The following ST6GALNAC5 variants were observed in gnomAD, a reference collection of about 807,000 sequenced individuals.
ST6GALNAC5 encodes alpha-N-acetylgalactosaminide alpha-2,6-sialyltransferase 5.
Under a neutral mutation model 33.6 loss-of-function variants are expected in ST6GALNAC5, and 27 were observed. The observed-to-expected ratio is 0.80, with a 90% CI of 0.59 to 1.11. ST6GALNAC5 has a LOEUF of 1.11. ST6GALNAC5 is among the 50% of genes least tolerant of loss of function. The pLI, the probability that ST6GALNAC5 is intolerant of heterozygous loss-of-function variation, is 0.00. For missense variants in ST6GALNAC5, 428 were observed against 454.0 expected, an observed-to-expected ratio of 0.94 and a Z score of 0.52; for synonymous variants, 194 against 171.2, an observed-to-expected ratio of 1.13 and a Z score of -1.04.
Position 76,881,539 on chromosome 1 carries a change from C to T in ST6GALNAC5, c.261+12797C>T, listed in dbSNP as rs895768251. ...AAAATTGTCTGCCTTCCCTACTAGACAACCAGCTCTTGGAAACCAGGCATT... is the reference window on the plus strand; with the variant it reads ...AAAATTGTCTGCCTTCCCTACTAGATAACCAGCTCTTGGAAACCAGGCATT... On this transcript the variant is annotated intron_variant, in intron 2 of 4. Coordinates refer to ENST00000477717, the MANE Select transcript of ST6GALNAC5 (RefSeq NM_030965.3). 5.3e-4 allele frequency among the ~76,000 whole-genome samples: 80 copies of T among 152,172 alleles called. 5 individuals carry two copies. Among genetic ancestry groups the T allele is most frequent in the Non-Finnish European group, 4.4e-5 (3 of 68,038 alleles).
intron 2 of ST6GALNAC5, among the ~76,000 whole-genome samples, chr1:76,982,095 C>A (rs143300131): frequency 6.6e-6 from 1 of 152,112 alleles, no homozygotes; most frequent in South Asian, 2.1e-4. Flanking sequence ...AAAATCAGAG[C>A]ACCTCTTCTC....
At chr1:77,041,800 C>A (rs1338990783) in intron 2 of ST6GALNAC5, among the ~76,000 whole-genome samples, 1 of 152,180 alleles carries the variant, frequency 6.6e-6, no homozygotes, top group Non-Finnish European at 1.5e-5. Flanking sequence ...AAATGATCCT[C>A]CAAGGAATGG....
rs137927434 is a variant in ST6GALNAC5, at chr1:76,988,631, A to G, written c.262-55573A>G. ...TTTCTGATTTATGACTTGATTTGCC[A>G]ACTTTAAATGAAATCCTTTGACTTC... is the stretch of plus-strand genomic sequence containing the variant. On this transcript the variant is annotated intron_variant, in intron 2 of 4. Transcript: ENST00000477717. 2.8e-3 allele frequency among the ~76,000 whole-genome samples: 423 copies of G among 152,240 alleles called. 4 individuals are homozygous for G. Among genetic ancestry groups the G allele is most frequent in the African/African-American group, 9.7e-3 (403 of 41,570 alleles).
At chr1:76,876,668 A>G (rs1244208888) in intron 2 of ST6GALNAC5, among the ~76,000 whole-genome samples, 1 of 152,158 alleles carries the variant, frequency 6.6e-6, no homozygotes, top group Non-Finnish European at 1.5e-5. Flanking sequence ...TTCTCCTTCC[A>G]TGCAAAGTGC....
intron 2 of ST6GALNAC5, among the ~76,000 whole-genome samples, chr1:77,037,786 T>C (rs989283236): frequency 6.6e-6 from 1 of 152,100 alleles, no homozygotes; most frequent in Non-Finnish European, 1.5e-5. Context: ...GGGGCTTAGA[T>C]GAAGATGGTG....
intron 2 of ST6GALNAC5, among the ~76,000 whole-genome samples, chr1:76,906,851 C>T (rs1286553954): frequency 3.9e-5 from 6 of 152,090 alleles, no homozygotes; most frequent in Non-Finnish European, 7.4e-5. Flanking sequence ...CAAAATAAAA[C>T]TCATCATCTC....
intron 2 of ST6GALNAC5, among the ~76,000 whole-genome samples, chr1:77,010,597 T>C (rs1226836210): frequency 2.6e-5 from 4 of 152,154 alleles, no homozygotes; most frequent in African/African-American, 9.7e-5. Context: ...TGAGACGTGT[T>C]CTTCCTTGGA....
At chr1:76,995,036 T>A (rs564364257) in intron 2 of ST6GALNAC5, among the ~76,000 whole-genome samples, 1 of 152,206 alleles carries the variant, frequency 6.6e-6, no homozygotes, top group Non-Finnish European at 1.5e-5. Flanking sequence ...TTGGTATAGA[T>A]CACTGTCTCT....
chr1:76,969,719 C>G (rs1648660516), intron 2 of ST6GALNAC5, among the ~76,000 whole-genome samples: 1 of 152,176 alleles, frequency 6.6e-6, no homozygotes, highest in Admixed American at 6.5e-5. Context: ...GACAGACTGC[C>G]TCCTCAAGTG....
chr1:77,026,442 G>A (rs574600422), intron 2 of ST6GALNAC5, among the ~76,000 whole-genome samples: 1 of 152,320 alleles, frequency 6.6e-6, no homozygotes, highest in South Asian at 2.1e-4. Flanking sequence ...GTGGAGCTGG[G>A]ACTGATTCAT....
rs1018564595 is a variant in ST6GALNAC5 at position 76,868,932 on chromosome 1, A to C, written c.261+190A>C. On this transcript the variant is annotated intron_variant, in intron 2 of 4. Transcript: ENST00000477717. This position sits in a 1 kb window ranked among gnomAD's most constrained non-coding sequence, Gnocchi z 4.3. ...AATTCTTATTTGGAGAAAGACACAA[A>C]GTTTTGTAGAAAATAGGGGTGAGGT... 84 of 997,008 alleles carry C rather than the reference A, an allele frequency of 8.4e-5. No individual in the cohort carries two copies. In the African/African-American group the frequency reaches 1.4e-3, roughly 17 times the overall value. The allele number at this position is 997,008 out of a possible 1,614,324, so 61.8% of individuals were successfully genotyped here.
intron 2 of ST6GALNAC5, among the ~76,000 whole-genome samples, chr1:76,978,223 C>A (rs975552988): frequency 6.6e-6 from 1 of 152,076 alleles, no homozygotes; most frequent in African/African-American, 2.4e-5. Flanking sequence ...TGCATATTAA[C>A]CCCTTGTTAG....
intron 2 of ST6GALNAC5, among the ~76,000 whole-genome samples, chr1:76,934,766 T>G (rs558623878): frequency 6.6e-6 from 1 of 152,108 alleles, no homozygotes; most frequent in South Asian, 2.1e-4. Flanking sequence ...CCTTTGCTAG[T>G]CAGTGCTTCT....
chr1:77,008,049 G>A (rs1256751262), intron 2 of ST6GALNAC5, among the ~76,000 whole-genome samples: 2 of 152,120 alleles, frequency 1.3e-5, no homozygotes, highest in Non-Finnish European at 2.9e-5. Context: ...GAGTAGACCA[G>A]CATTCTATAT....
At chr1:76,870,126 C>T (rs1373349654) in intron 2 of ST6GALNAC5, among the ~76,000 whole-genome samples, 1 of 152,076 alleles carries the variant, frequency 6.6e-6, no homozygotes, top group Non-Finnish European at 1.5e-5. Context: ...ACTTAAAATC[C>T]AAAAGCAGAA....
At chr1:76,876,923 G>A (rs1376291151) in intron 2 of ST6GALNAC5, among the ~76,000 whole-genome samples, 2 of 152,204 alleles carry the variant, frequency 1.3e-5, no homozygotes, top group Non-Finnish European at 2.9e-5. Context: ...GGCAAGAATG[G>A]AGACCATGGG....
At chr1:77,058,488 C>A (rs1195399272) in intron 4 of ST6GALNAC5, among the ~76,000 whole-genome samples, 1 of 152,170 alleles carries the variant, frequency 6.6e-6, no homozygotes, top group Non-Finnish European at 1.5e-5. Flanking sequence ...GGCACCTCCC[C>A]CTTTCTCTTC....
intron 2 of ST6GALNAC5, among the ~76,000 whole-genome samples, chr1:76,952,675 ATG>A (rs2100339511): frequency 6.6e-6 from 1 of 152,212 alleles, no homozygotes; most frequent in South Asian, 2.1e-4. Context: ...TACAATTATT[ATG>A]TGTCAATTTT....
intron 2 of ST6GALNAC5, among the ~76,000 whole-genome samples, chr1:77,009,869 G>A (rs1274305894): frequency 1.3e-5 from 2 of 151,992 alleles, no homozygotes; most frequent in Non-Finnish European, 2.9e-5. Context: ...TTTTTTAATA[G>A]AGTGACCTTG....
Sources: gnomAD v4.1 joint callset for allele counts (sites outside exome capture counted in the v4.1 genomes callset) on GRCh38, gnomAD v4.1.1 for gene constraint, Gnocchi (gnomAD v3.1) non-coding constraint, MANE v1.5 for transcripts, NCBI Gene and HGNC (gene_info 2026-07-23, HGNC 2026-07-21) for gene names.